MEGF11: variants seen among roughly 807,000 people sequenced by gnomAD.
The protein encoded by MEGF11 is multiple EGF like domains 11.
In MEGF11, 126 loss-of-function variants were observed where a neutral mutation model predicts 146.6. That is an observed-to-expected ratio of 0.86 (90% CI 0.74 to 1.00). The LOEUF is 1.00. Among genes scored for constraint, MEGF11 ranks in the 50% least tolerant of loss-of-function variants. The pLI, the probability that MEGF11 is intolerant of heterozygous loss-of-function variation, is 0.00. For synonymous variants in MEGF11, 532 were observed against 583.4 expected (o/e 0.91, Z 1.27); for missense variants, 1,509 against 1,521.2 (o/e 0.99, Z 0.13).
intron 2 of MEGF11, among the ~76,000 whole-genome samples, chr15:66,124,750 G>A (rs2088248364): frequency 6.6e-6 from 1 of 152,244 alleles, no homozygotes; most frequent in Non-Finnish European, 1.5e-5. Flanking sequence ...TGGACCAGCA[G>A]GTGGAAGCCA....
intron 10 of MEGF11, among the ~76,000 whole-genome samples, chr15:65,945,186 G>A (rs2080145133): frequency 6.6e-6 from 1 of 152,280 alleles, no homozygotes; most frequent in Admixed American, 6.5e-5. Context: ...GTGAGCCACC[G>A]TGCCCAGCCC....
At chr15:66,079,259 TGAG>T (rs1487605684) in intron 5 of MEGF11, among the ~76,000 whole-genome samples, 4 of 152,298 alleles carry the variant, frequency 2.6e-5, no homozygotes, top group Middle Eastern at 6.8e-3. Context: ...GGGGGACAGA[TGAG>T]GACCCTCAGA....
chr15:66,084,983 G>A (rs1029513887), intron 5 of MEGF11, among the ~76,000 whole-genome samples: 5 of 152,168 alleles, frequency 3.3e-5, no homozygotes, highest in African/African-American at 4.8e-5. Flanking sequence ...GGGGGACGGG[G>A]TGCAGCACGG....
intron 17 of MEGF11, 196 bp from the exon 18 acceptor site, chr15:65,916,472 A>G (rs1327718616): frequency 6.7e-6 from 5 of 749,278 alleles, no homozygotes; most frequent in Non-Finnish European, 1.1e-5. Flanking sequence ...TTGCCTTTCC[A>G]AGACAGAGGG....
chr15:65,952,070 A>T (rs1007707446), intron 10 of MEGF11, among the ~76,000 whole-genome samples: 1 of 152,170 alleles, frequency 6.6e-6, no homozygotes, highest in Non-Finnish European at 1.5e-5. Context: ...ATATTATTAT[A>T]ATTGTTCTAT....
chr15:66,022,465 A>G (rs962004305), intron 5 of MEGF11, among the ~76,000 whole-genome samples: 7 of 152,134 alleles, frequency 4.6e-5, no homozygotes, highest in African/African-American at 9.7e-5. Flanking sequence ...CACACGTATG[A>G]CTTTGTACAT....
At chr15:65,938,733 T>C (rs190259722) in intron 10 of MEGF11, among the ~76,000 whole-genome samples, 1 of 152,372 alleles carries the variant, frequency 6.6e-6, no homozygotes, top group East Asian at 1.9e-4. Flanking sequence ...TTGAAAGCAC[T>C]ACTAACAAAC....
At chr15:66,211,719 A>G (rs1417611743) in intron 1 of MEGF11, among the ~76,000 whole-genome samples, 1 of 151,646 alleles carries the variant, frequency 6.6e-6, no homozygotes, top group African/African-American at 2.4e-5. Context: ...TATTTTGACT[A>G]TGACCCTGAG....
intron 5 of MEGF11, among the ~76,000 whole-genome samples, chr15:66,039,338 A>C (rs2083857179): frequency 6.6e-6 from 1 of 152,192 alleles, no homozygotes; most frequent in African/African-American, 2.4e-5. Flanking sequence ...AGGTCCTGAC[A>C]GCTGAGGAGG....
chr15:66,119,696 G>A (rs868626387), intron 3 of MEGF11, among the ~76,000 whole-genome samples: 3 of 151,784 alleles, frequency 2.0e-5, no homozygotes, highest in Admixed American at 6.6e-5. Context: ...ACTCAGTCCC[G>A]GAGAGTAGAT....
chr15:65,923,141 G>A (rs2079235785), intron 13 of MEGF11, among the ~76,000 whole-genome samples, 172 bp from the exon 14 acceptor site: 1 of 152,210 alleles, frequency 6.6e-6, no homozygotes, highest in African/African-American at 2.4e-5. Context: ...TTTTCAGGAA[G>A]AAGTGATGTC....
intron 9 of MEGF11, 135 bp from the exon 10 acceptor site, chr15:65,957,856 C>T (rs1221766465): frequency 2.6e-6 from 2 of 755,134 alleles, no homozygotes; most frequent in Non-Finnish European, 4.3e-6. Flanking sequence ...TGCTCAATGC[C>T]TTTTCTGTTT....
chr15:66,119,050 C>A (rs1259712185), intron 4 of MEGF11, 36 bp downstream of exon 4: 1 of 1,434,162 alleles, frequency 7.0e-7, no homozygotes, highest in Non-Finnish European at 9.6e-7. Context: ...TCCTCCCTTC[C>A]CCACTGAGGG....
chr15:65,908,033 G>C (rs1023211382), intron 23 of MEGF11, among the ~76,000 whole-genome samples: 1 of 152,206 alleles, frequency 6.6e-6, no homozygotes, highest in Non-Finnish European at 1.5e-5. Flanking sequence ...CTGTGTGTGT[G>C]TGTATATGCT....
At chr15:66,225,076 G>C (rs894432619) in intron 1 of MEGF11, among the ~76,000 whole-genome samples, 6 of 152,252 alleles carry the variant, frequency 3.9e-5, no homozygotes, top group African/African-American at 1.4e-4. Context: ...CAAGGAGGCA[G>C]TGTGCAGCAA....
At chr15:66,155,485 C>T (rs1485623328) in intron 1 of MEGF11, among the ~76,000 whole-genome samples, 1 of 152,192 alleles carries the variant, frequency 6.6e-6, no homozygotes, top group Admixed American at 6.5e-5. Flanking sequence ...TGACTTCCTC[C>T]AGTCTCCCGG....
At chr15:65,984,106 TCA>T (rs1187240290) in intron 5 of MEGF11, among the ~76,000 whole-genome samples, 1 of 152,118 alleles carries the variant, frequency 6.6e-6, no homozygotes, top group Non-Finnish European at 1.5e-5. Context: ...CCCCAAGTAT[TCA>T]CACACACACA....
chr15:66,252,175 C>T (rs1259282971), intron 1 of MEGF11, among the ~76,000 whole-genome samples: 1 of 152,156 alleles, frequency 6.6e-6, no homozygotes, highest in Non-Finnish European at 1.5e-5. Flanking sequence ...GGACTGAGCC[C>T]CCGGCAGGCT....
chr15:66,000,528 C>G (rs2082334734), intron 5 of MEGF11, among the ~76,000 whole-genome samples: 1 of 144,578 alleles, frequency 6.9e-6, no homozygotes, highest in East Asian at 2.7e-4. Flanking sequence ...AGAGAACTGT[C>G]TCTTTGAAAA....
Sources: allele counts gnomAD v4.1 joint callset (sites outside exome capture counted in the v4.1 genomes callset), GRCh38; gene constraint gnomAD v4.1.1; transcripts MANE v1.5; gene names NCBI Gene and HGNC (gene_info 2026-07-23, HGNC 2026-07-21).